RPH3A: variants seen among roughly 807,000 people sequenced by gnomAD.
RPH3A encodes rabphilin-3A.
Under a neutral mutation model 102.2 loss-of-function variants are expected in RPH3A, and 48 were observed. The observed-to-expected ratio is 0.47, with a 90% CI of 0.37 to 0.60. The LOEUF is 0.60. RPH3A is among the 20% of genes least tolerant of loss of function. RPH3A has a pLI of 0.00. For synonymous variants in RPH3A, 310 were observed against 324.3 expected, an observed-to-expected ratio of 0.96 and a Z score of 0.47; for missense variants, 781 against 910.1, an observed-to-expected ratio of 0.86 and a Z score of 1.83.
intron 1 of RPH3A, among the ~76,000 whole-genome samples, chr12:112,772,047 C>T (rs900418417): frequency 2.0e-5 from 3 of 152,186 alleles, no homozygotes; most frequent in Non-Finnish European, 4.4e-5. Context: ...ATGATGACAG[C>T]TACTTTCTAG....
At chr12:112,787,943 T>C (rs2041062532), upstream of RPH3A, among the ~76,000 whole-genome samples, 2 of 152,220 alleles carry the variant, frequency 1.3e-5, no homozygotes, top group African/African-American at 4.8e-5. Context: ...AATTGCGGCC[T>C]GAGGAATCTT....
At chr12:112,768,719 C>T (rs978209474) in intron 1 of RPH3A, among the ~76,000 whole-genome samples, 2 of 152,102 alleles carry the variant, frequency 1.3e-5, no homozygotes, top group African/African-American at 4.8e-5. Context: ...TGGAGTCCAG[C>T]CTGGGAAACT....
intron 1 of RPH3A, among the ~76,000 whole-genome samples, chr12:112,595,077 C>T (rs1371455204): frequency 6.6e-6 from 1 of 152,182 alleles, no homozygotes; most frequent in African/African-American, 2.4e-5. Flanking sequence ...GTCCCATTTC[C>T]ACACTTACTG....
At chr12:112,610,753 TC>T (rs973602725) in intron 1 of RPH3A, among the ~76,000 whole-genome samples, 1 of 151,928 alleles carries the variant, frequency 6.6e-6, no homozygotes, top group African/African-American at 2.4e-5. Flanking sequence ...TGCCTCAGCC[TC>T]CCGAGTAGCT....
chr12:112,731,320 G>A (rs1476870923), intron 1 of RPH3A, among the ~76,000 whole-genome samples: 3 of 152,130 alleles, frequency 2.0e-5, no homozygotes, highest in Admixed American at 6.5e-5. Context: ...CTGTTTTTGT[G>A]AAGATTCAAT....
chr12:112,891,211 C>T, intron 19 of RPH3A: 1 of 590,996 alleles, frequency 1.7e-6, no homozygotes. Context: ...TGTCACTTGC[C>T]CACAGGCAAA....
chr12:112,690,671 TC>T (rs1323595210), intron 1 of RPH3A, among the ~76,000 whole-genome samples: 1 of 152,162 alleles, frequency 6.6e-6, no homozygotes, highest in East Asian at 1.9e-4. Context: ...CCAATCAATG[TC>T]CGTTGGAATT....
Position 112,700,151 on chromosome 12 carries a change from C to A in RPH3A, c.-139-91992C>A, listed in dbSNP as rs113318659. On this transcript the variant is annotated intron_variant, in intron 1 of 21. Transcript: ENST00000543106. ...ATGGCGCGATCTTGGCTCTCTGCAA[C>A]CTCCGCCTCTCGGGTTCAAGCGATT... is the stretch of plus-strand genomic sequence containing the variant. 6.5e-4 allele frequency among the ~76,000 whole-genome samples: 99 copies of A among 151,956 alleles called. 1 individual carries two copies. Among genetic ancestry groups the A allele is most frequent in the African/African-American group, 2.3e-3 (97 of 41,418 alleles).
At chr12:112,845,284 C>T (rs985119909) in intron 4 of RPH3A, among the ~76,000 whole-genome samples, 2 of 152,132 alleles carry the variant, frequency 1.3e-5, no homozygotes, top group Non-Finnish European at 2.9e-5. Flanking sequence ...AGAGACCATT[C>T]CCTTTGCCAG....
chr12:112,653,688 C>G (rs2039992270), intron 1 of RPH3A, among the ~76,000 whole-genome samples: 1 of 152,100 alleles, frequency 6.6e-6, no homozygotes, highest in Non-Finnish European at 1.5e-5. Context: ...GTTATATAGG[C>G]AAACTCGTGT....
At chr12:112,820,618 G>T (rs1593041649) in intron 2 of RPH3A, among the ~76,000 whole-genome samples, 1 of 152,196 alleles carries the variant, frequency 6.6e-6, no homozygotes, top group Admixed American at 6.5e-5. Flanking sequence ...TACAACCTAA[G>T]CAGCCATTAT....
intron 1 of RPH3A, among the ~76,000 whole-genome samples, chr12:112,757,581 T>TA (rs1398359112): frequency 6.6e-6 from 1 of 152,054 alleles, no homozygotes; most frequent in African/African-American, 2.4e-5. Flanking sequence ...TTTTCAAAAT[T>TA]AAAAAAAATT....
intron 1 of RPH3A, among the ~76,000 whole-genome samples, chr12:112,584,379 C>T (rs1027903026): frequency 9.2e-5 from 14 of 152,180 alleles, no homozygotes; most frequent in Non-Finnish European, 1.6e-4. Context: ...CCGTTCTCTA[C>T]GCTCCAGGGC....
intron 2 of RPH3A, among the ~76,000 whole-genome samples, chr12:112,823,739 C>T (rs942850038): frequency 6.6e-6 from 1 of 152,080 alleles, no homozygotes; most frequent in Non-Finnish European, 1.5e-5. Flanking sequence ...TCTATTATGA[C>T]GATGGTTTCT....
chr12:112,860,403 C>A (rs1385483947), intron 5 of RPH3A, among the ~76,000 whole-genome samples: 1 of 152,188 alleles, frequency 6.6e-6, no homozygotes, highest in Non-Finnish European at 1.5e-5. Flanking sequence ...TTTGCTGCTG[C>A]TGATAGGAGC....
intron 1 of RPH3A, among the ~76,000 whole-genome samples, chr12:112,638,733 T>C (rs990160963): frequency 2.6e-5 from 4 of 152,148 alleles, no homozygotes; most frequent in African/African-American, 9.7e-5. Context: ...ACAGGACCAC[T>C]GTTTTGGAGA....
intron 1 of RPH3A, among the ~76,000 whole-genome samples, chr12:112,646,929 G>A (rs895549361): frequency 6.6e-6 from 1 of 152,152 alleles, no homozygotes; most frequent in Non-Finnish European, 1.5e-5. Context: ...GGTCTCTTTT[G>A]CTAACACTGG....
intron 1 of RPH3A, among the ~76,000 whole-genome samples, chr12:112,714,899 T>A (rs1223177999): frequency 6.6e-6 from 1 of 152,184 alleles, no homozygotes; most frequent in Admixed American, 6.5e-5. Flanking sequence ...CTTCTATACT[T>A]TGCTCATGTT....
chr12:112,826,396 T>A (rs953563881), intron 2 of RPH3A, among the ~76,000 whole-genome samples: 2 of 152,152 alleles, frequency 1.3e-5, no homozygotes, highest in Non-Finnish European at 2.9e-5. Flanking sequence ...CAGGGAGCCA[T>A]TGAAGACTCT....
Sources: gnomAD v4.1 joint callset for allele counts (sites outside exome capture counted in the v4.1 genomes callset) on GRCh38, gnomAD v4.1.1 for gene constraint, MANE v1.5 for transcripts, NCBI Gene and HGNC (gene_info 2026-07-23, HGNC 2026-07-21) for gene names.